CSMD3: variants seen among roughly 807,000 people sequenced by gnomAD.
CSMD3 encodes CUB and Sushi multiple domains 3, also known as CUB and sushi domain-containing protein 3.
A neutral mutation model predicts 435.2 loss-of-function variants in CSMD3; 177 were observed. That is an observed-to-expected ratio of 0.41 (90% CI 0.36 to 0.46). The LOEUF is 0.46. Ranked by LOEUF, CSMD3 falls within the 20% of genes least tolerant of loss-of-function variation. CSMD3 has a pLI of 0.34. For missense variants in CSMD3, 4,265 were observed against 4,504.6 expected (o/e 0.95, Z 1.52); for synonymous variants, 1,656 against 1,520.5 (o/e 1.09, Z -2.07).
At chr8:113,152,672 T>G (rs1215090839) in intron 4 of CSMD3, among the ~76,000 whole-genome samples, 1 of 152,010 alleles carries the variant, frequency 6.6e-6, no homozygotes, top group Non-Finnish European at 1.5e-5. Flanking sequence ...AAATACACTT[T>G]GCCTGGTTAA....
chr8:113,298,599 C>T (rs555712933), intron 2 of CSMD3, among the ~76,000 whole-genome samples: 1 of 152,210 alleles, frequency 6.6e-6, no homozygotes, highest in East Asian at 1.9e-4. Flanking sequence ...TTTTAATATT[C>T]TCTTATCATC....
At position 112,858,890 on chromosome 8, in the gene CSMD3, T is replaced by C. The variant is rs542107218; in HGVS notation, c.1755+255A>G. Among the ~76,000 whole-genome samples, 389 of 151,990 alleles carry C rather than the reference T, an allele frequency of 2.6e-3. 3 individuals are homozygous for C. The highest frequency in any genetic ancestry group is 4.3e-3 in the Non-Finnish European group (295 of 67,820). ...AGGATACACTTACAACCTTCAAAAA[T>C]GTATCTCAGAAAGCATTCATTTGTA... On this transcript the variant is annotated intron_variant, in intron 11 of 70. Coordinates refer to ENST00000297405, the MANE Select transcript of CSMD3 (RefSeq NM_198123.2).
chr8:113,127,406 T>A (rs1028418747), intron 4 of CSMD3, among the ~76,000 whole-genome samples: 1 of 152,072 alleles, frequency 6.6e-6, no homozygotes, highest in Non-Finnish European at 1.5e-5. Context: ...GTAACATTTA[T>A]TGAGTGCTGA....
chr8:112,476,118 T>G (rs2130774416), intron 31 of CSMD3, among the ~76,000 whole-genome samples: 1 of 152,308 alleles, frequency 6.6e-6, no homozygotes, highest in South Asian at 2.1e-4. Context: ...TCATCTTGGC[T>G]TGCTGCAACC....
At chr8:112,812,704 C>T (rs1005192335) in intron 12 of CSMD3, among the ~76,000 whole-genome samples, 2 of 152,120 alleles carry the variant, frequency 1.3e-5, no homozygotes, top group Non-Finnish European at 2.9e-5. Flanking sequence ...ATATTTAATA[C>T]ATCTTTTTGA....
chr8:113,004,606 G>GC (rs1452242876), intron 6 of CSMD3, among the ~76,000 whole-genome samples: 2 of 151,866 alleles, frequency 1.3e-5, no homozygotes, highest in East Asian at 1.9e-4. Context: ...AGCATTGAGC[G>GC]CAAGATTTAG....
chr8:112,493,013 G>A (rs1586503790), intron 30 of CSMD3, among the ~76,000 whole-genome samples: 2 of 152,204 alleles, frequency 1.3e-5, no homozygotes, highest in South Asian at 4.1e-4. Context: ...GGGATACCAA[G>A]GGACAGCTGA....
intron 61 of CSMD3, among the ~76,000 whole-genome samples, chr8:112,261,509 T>A (rs1219913031): frequency 6.6e-6 from 1 of 151,906 alleles, no homozygotes; most frequent in African/African-American, 2.4e-5. Context: ...GTAATTTACA[T>A]TCACGTGTAT....
At chr8:113,031,995 G>A (rs765554851) in intron 5 of CSMD3, among the ~76,000 whole-genome samples, 1 of 151,562 alleles carries the variant, frequency 6.6e-6, no homozygotes, top group African/African-American at 2.4e-5. Flanking sequence ...GTAAGAAAGC[G>A]TTTTCTTCTC....
intron 22 of CSMD3, among the ~76,000 whole-genome samples, chr8:112,620,665 T>C (rs1422428700): frequency 6.6e-6 from 1 of 152,092 alleles, no homozygotes; most frequent in Admixed American, 6.6e-5. Flanking sequence ...GGCCAGCCAA[T>C]AAAAAGAGAT....
intron 11 of CSMD3, among the ~76,000 whole-genome samples, chr8:112,838,604 G>A (rs962956108): frequency 9.9e-5 from 15 of 151,450 alleles, no homozygotes; most frequent in African/African-American, 3.6e-4. Context: ...ATTATTCAAA[G>A]GCCCACACAA....
chr8:112,972,370 A>G (rs770716596), intron 7 of CSMD3, among the ~76,000 whole-genome samples: 7 of 151,892 alleles, frequency 4.6e-5, no homozygotes, highest in Non-Finnish European at 1.0e-4. Flanking sequence ...CAACAAAATA[A>G]TATTCAGTAG....
chr8:112,689,845 G>T, intron 14 of CSMD3, 23 bp downstream of exon 14: 1 of 1,600,688 alleles, frequency 6.2e-7, no homozygotes, highest in Non-Finnish European at 8.6e-7. Context: ...ATGCTATCTG[G>T]AAGCAAAGCA....
intron 12 of CSMD3, among the ~76,000 whole-genome samples, chr8:112,825,229 C>T (rs1486370098): frequency 3.3e-5 from 5 of 152,084 alleles, no homozygotes; most frequent in African/African-American, 1.2e-4. Context: ...AGGTTCTTAT[C>T]TTCTTTGTAT....
At chr8:113,241,956 T>C (rs138560180) in intron 3 of CSMD3, among the ~76,000 whole-genome samples, 1,536 of 151,300 alleles carry the variant, frequency 0.01, 22 homozygotes, top group African/African-American at 0.036. Flanking sequence ...ACTATATATA[T>C]ATATACACAC....
rs139310520 is a variant in CSMD3, at chr8:113,080,111, C to T, written c.917+18645G>A. Among the ~76,000 whole-genome samples, 69 of 152,236 alleles carry T rather than the reference C, an allele frequency of 4.5e-4. 1 individual carries two copies. The East Asian group carries it at 0.013, about 29-fold the overall frequency. On this transcript the variant is annotated intron_variant, in intron 5 of 70. Transcript: ENST00000297405. ...TTGTTTGTTTTTATTTAGCCGTTAA[C>T]ATGTTCTCTGGAACATATACTGAGT...
intron 40 of CSMD3, among the ~76,000 whole-genome samples, chr8:112,350,621 A>C (rs1313653518): frequency 2.6e-5 from 4 of 152,130 alleles, no homozygotes; most frequent in Admixed American, 1.3e-4. Flanking sequence ...ATACAAAAAA[A>C]AATGAGGAAG....
At chr8:112,776,502 C>T (rs976193009) in intron 13 of CSMD3, among the ~76,000 whole-genome samples, 1 of 151,720 alleles carries the variant, frequency 6.6e-6, no homozygotes, top group African/African-American at 2.4e-5. Flanking sequence ...TGTCTAAATC[C>T]TGTCTTCTAG....
intron 5 of CSMD3, among the ~76,000 whole-genome samples, chr8:113,070,101 A>G (rs1167413948): frequency 1.3e-5 from 2 of 152,080 alleles, no homozygotes; most frequent in African/African-American, 4.8e-5. Context: ...TAATTGTTAC[A>G]CTTCTAGCCA....
Sources: allele counts gnomAD v4.1 joint callset (sites outside exome capture counted in the v4.1 genomes callset), GRCh38; gene constraint gnomAD v4.1.1; transcripts MANE v1.5; gene names NCBI Gene and HGNC (gene_info 2026-07-23, HGNC 2026-07-21).